Variants in GATAD2A observed in about 807,000 individuals in gnomAD.
The protein encoded by GATAD2A is transcriptional repressor p66-alpha.
GATAD2A carries 12 observed loss-of-function variants against 68.5 expected under a neutral mutation model. The observed-to-expected ratio is 0.18, with a 90% CI of 0.11 to 0.28. The LOEUF (loss-of-function observed/expected upper bound fraction) is 0.28. Among genes scored for constraint, GATAD2A ranks in the 10% least tolerant of loss-of-function variants. The pLI is 1.00. For missense variants in GATAD2A, 755 were observed against 868.5 expected (o/e 0.87, Z 1.64); for synonymous variants, 410 against 375.3 (o/e 1.09, Z -1.07).
At position 19,465,501 on chromosome 19, in the gene GATAD2A, G is replaced by A. The variant is rs112906783; in HGVS notation, c.156G>A (p.Pro52=). 7.3e-5 allele frequency: 118 copies of A among 1,613,980 alleles called. No individual in the cohort carries two copies. The highest frequency in any genetic ancestry group is 5.3e-4 in the African/African-American group (40 of 75,062). Residue 52 remains proline, a synonymous_variant, in exon 2 of 12, where the codon CCG becomes CCA. Transcript: ENST00000683918. ...TDGDMRVTPE[P]GAGPTQGLLR... ...GAGACATGAGGGTGACACCTGAGCCGGGAGCAGGTCCAACCCAAGGATTGC... is the reference window on the plus strand; with the variant it reads ...GAGACATGAGGGTGACACCTGAGCCAGGAGCAGGTCCAACCCAAGGATTGC...
chr19:19,395,681 G>A (rs1395789594), intron 1 of GATAD2A, among the ~76,000 whole-genome samples: 2 of 152,144 alleles, frequency 1.3e-5, no homozygotes, highest in Non-Finnish European at 2.9e-5. Flanking sequence ...CTGCCTGGAG[G>A]TGTGTATGGA....
upstream of GATAD2A, among the ~76,000 whole-genome samples, chr19:19,403,302 C>T (rs2049928970): frequency 6.6e-6 from 1 of 152,172 alleles, no homozygotes. Context: ...ATTCACCCAA[C>T]CTGAGCCTAT....
Position 19,464,079 on chromosome 19 carries a change from C to T in GATAD2A, c.-6-1261C>T, listed in dbSNP as rs371975966. ...CCCAGCTTCCAGACGGTCTGCCTGG[C>T]TCTACCTGGGACAGGCTTCCCCAGG... is the stretch of plus-strand genomic sequence containing the variant. On this transcript the variant is annotated intron_variant, in intron 1 of 11. Coordinates refer to ENST00000683918, the MANE Select transcript of GATAD2A (RefSeq NM_001384528.1). 1.6e-4 allele frequency among the ~76,000 whole-genome samples: 25 copies of T among 152,326 alleles called. No homozygotes were observed. In the East Asian group the frequency reaches 4.0e-3, roughly 25 times the overall value.
intron 1 of GATAD2A, among the ~76,000 whole-genome samples, chr19:19,390,191 GT>G (rs2048743720): frequency 6.6e-6 from 1 of 152,216 alleles, no homozygotes; most frequent in South Asian, 2.1e-4. Flanking sequence ...CCTTGGACAA[GT>G]GATGGCACAA....
intron 2 of GATAD2A, among the ~76,000 whole-genome samples, chr19:19,470,325 A>G (rs2058203724): frequency 6.6e-6 from 1 of 151,912 alleles, no homozygotes; most frequent in Non-Finnish European, 1.5e-5. Flanking sequence ...TAGTAGAGGC[A>G]GGGTTTCACC....
chr19:19,485,192 C>T lies in GATAD2A; in HGVS notation c.270-7114C>T, dbSNP rs186617143. 4.6e-5 allele frequency among the ~76,000 whole-genome samples: 7 copies of T among 152,316 alleles called. No individual in the cohort carries two copies. The East Asian group carries it at 1.4e-3, about 29-fold the overall frequency. Reference sequence around the variant, plus strand: ...CCCCCTTCTCTTTCCCTGCTTTGTCCCAGGGTAGCATCTGAGGGAGGAAGT... The same window carrying T: ...CCCCCTTCTCTTTCCCTGCTTTGTCTCAGGGTAGCATCTGAGGGAGGAAGT... On this transcript the variant is annotated intron_variant, in intron 2 of 11. Coordinates refer to ENST00000683918, the MANE Select transcript of GATAD2A (RefSeq NM_001384528.1).
At chr19:19,451,080 CTT>C (rs768827195) in intron 1 of GATAD2A, among the ~76,000 whole-genome samples, 126 of 151,278 alleles carry the variant, frequency 8.3e-4, no homozygotes, top group Non-Finnish European at 1.3e-3. Context: ...GAGATTCAAA[CTT>C]TTAAAAAGTG....
At chr19:19,472,037 C>G (rs1435057521) in intron 2 of GATAD2A, among the ~76,000 whole-genome samples, 1 of 152,188 alleles carries the variant, frequency 6.6e-6, no homozygotes, top group African/African-American at 2.4e-5. Context: ...TGCTACTACA[C>G]CTGGATGGGG....
intron 2 of GATAD2A, among the ~76,000 whole-genome samples, chr19:19,477,248 G>A (rs62137769): frequency 0.011 from 1,710 of 152,298 alleles, 13 homozygotes; most frequent in Non-Finnish European, 0.018. Flanking sequence ...AAAGATGGGA[G>A]ACATACCAGA....
chr19:19,505,351 C>G lies in GATAD2A; in HGVS notation c.1782C>G (p.Thr594=), dbSNP rs148017588. Residue 594 remains threonine, a synonymous_variant, in exon 12 of 12, where the codon ACC becomes ACG. Transcript: ENST00000683918. ...WKKTPLSTGG[T]LAFVSPSLAV... ...CGCTCTGTTCTGTTGCAGGCGGGACCCTTGCGTTTGTCAGCCCAAGCCTGG... is the reference window on the plus strand; with the variant it reads ...CGCTCTGTTCTGTTGCAGGCGGGACGCTTGCGTTTGTCAGCCCAAGCCTGG... The G allele has an allele frequency of 5.0e-6, 8 of 1,613,338 alleles. 1 individual carries two copies. In the African/African-American group the frequency reaches 1.1e-4, roughly 22 times the overall value.
At chr19:19,448,662 A>G (rs1568295467) in intron 1 of GATAD2A, among the ~76,000 whole-genome samples, 3 of 151,734 alleles carry the variant, frequency 2.0e-5, no homozygotes, top group African/African-American at 7.3e-5. Flanking sequence ...TAATTTTTAA[A>G]TTTTTTTTGT....
intron 1 of GATAD2A, among the ~76,000 whole-genome samples, chr19:19,456,430 A>C: frequency 6.6e-6 from 1 of 152,106 alleles, no homozygotes; most frequent in South Asian, 2.1e-4. Context: ...TCAGACTTGC[A>C]ACATTTGTAT....
intron 8 of GATAD2A, among the ~76,000 whole-genome samples, chr19:19,500,726 C>T (rs1192428086): frequency 6.6e-6 from 1 of 152,254 alleles, no homozygotes; most frequent in East Asian, 1.9e-4. Context: ...CCTCAGTTTC[C>T]TCATCAGGAC....
intron 1 of GATAD2A, among the ~76,000 whole-genome samples, chr19:19,441,055 C>G (rs1239071322): frequency 7.3e-5 from 11 of 150,376 alleles, no homozygotes; most frequent in Non-Finnish European, 1.5e-5. Flanking sequence ...TCCCTTCCTT[C>G]CGTTCCTTCC....
rs1005072168 is a variant in GATAD2A at position 19,429,121 on chromosome 19, G to A, written c.-7+23102G>A. 1.8e-5 allele frequency: 16 copies of A among 878,404 alleles called. No homozygotes were observed. The African/African-American group carries it at 2.6e-4, about 14-fold the overall frequency. The allele number at this position is 878,404 out of a possible 1,614,324, so 54.4% of individuals were successfully genotyped here. ...TTGTAGTCTCCTCCTCCGTGCCCACGTGGGTGTTAGATGAGGTGATGCGCA... is the reference window on the plus strand; with the variant it reads ...TTGTAGTCTCCTCCTCCGTGCCCACATGGGTGTTAGATGAGGTGATGCGCA... On this transcript the variant is annotated intron_variant, in intron 1 of 11. Transcript: ENST00000683918.
intron 2 of GATAD2A, among the ~76,000 whole-genome samples, chr19:19,477,195 C>T (rs890696114): frequency 4.6e-5 from 7 of 152,112 alleles, no homozygotes; most frequent in Non-Finnish European, 7.4e-5. Context: ...CCACCGTTCT[C>T]TCTGGAGGGT....
chr19:19,480,599 C>T (rs1451815363), intron 2 of GATAD2A, among the ~76,000 whole-genome samples: 1 of 152,256 alleles, frequency 6.6e-6, no homozygotes, highest in East Asian at 1.9e-4. Flanking sequence ...CACAGAGACA[C>T]TACTCAGAGG....
upstream of GATAD2A, among the ~76,000 whole-genome samples, chr19:19,404,325 G>A (rs577131337): frequency 1.3e-5 from 2 of 151,896 alleles, no homozygotes; most frequent in African/African-American, 2.4e-5. Context: ...TCAGGTTTGC[G>A]GTTGAGACCC....
intron 1 of GATAD2A, among the ~76,000 whole-genome samples, chr19:19,397,951 T>A (rs1318890419): frequency 1.3e-5 from 2 of 152,234 alleles, no homozygotes; most frequent in Non-Finnish European, 2.9e-5. Context: ...TTGCCCATGC[T>A]GGAGTGCAGT....
Sources: allele counts gnomAD v4.1 joint callset (sites outside exome capture counted in the v4.1 genomes callset), GRCh38; gene constraint gnomAD v4.1.1; transcripts MANE v1.5; gene names NCBI Gene and HGNC (gene_info 2026-07-23, HGNC 2026-07-21).